PKD1: variants seen among roughly 807,000 people sequenced by gnomAD.
The protein encoded by PKD1 is polycystin 1, transient receptor potential channel interacting.
PKD1 carries 81 observed loss-of-function variants against 361.7 expected under a neutral mutation model. That is an observed-to-expected ratio of 0.22 (90% CI 0.19 to 0.27). PKD1 has a LOEUF of 0.27. PKD1 is among the 10% of genes least tolerant of loss of function. PKD1 has a pLI of 1.00. For missense variants in PKD1, 6,399 were observed against 6,118.3 expected (o/e 1.05, Z -1.53); for synonymous variants, 3,615 against 2,818.3 (o/e 1.28, Z -8.95).
At chr16:2,126,884 G>T (rs558430743) in intron 1 of PKD1, among the ~76,000 whole-genome samples, 8 of 152,300 alleles carry the variant, frequency 5.3e-5, no homozygotes, top group Admixed American at 2.0e-4. Flanking sequence ...TACCCTAGGG[G>T]ACCCAGGGAG....
At chr16:2,091,960 A>AG in intron 40 of PKD1, 54 bp from the exon 41 acceptor site, 1 of 1,611,840 alleles carries the variant, frequency 6.2e-7, no homozygotes. Flanking sequence ...GGCACCCCGG[A>AG]GCCAGGCTGG....
intron 26 of PKD1, among the ~76,000 whole-genome samples, chr16:2,101,400 C>G (rs1390486106): frequency 2.6e-5 from 4 of 152,170 alleles, no homozygotes; most frequent in African/African-American, 9.6e-5. Flanking sequence ...GTCATCCCAG[C>G]ACTCTGGCAG....
chr16:2,094,577 C>T (rs1351075857), intron 34 of PKD1: 2 of 369,592 alleles, frequency 5.4e-6, no homozygotes, highest in Non-Finnish European at 1.0e-5. Flanking sequence ...ACAAGCATCT[C>T]TACAATCTAG....
intron 1 of PKD1, among the ~76,000 whole-genome samples, chr16:2,121,475 C>A (rs2092719978): frequency 6.6e-6 from 1 of 152,122 alleles, no homozygotes; most frequent in South Asian, 2.1e-4. Flanking sequence ...AGAAGAAGCA[C>A]AATTGGTCAC....
At position 2,103,681 on chromosome 16, in the gene PKD1, G is replaced by C. The variant is rs758402723; in HGVS notation, c.8376C>G (p.Ser2792Arg). ...CTGGGGCGCCGCCATAGCACAGCAG[G>C]CTCCGCGGGTCCGAGCGCTTGCCCT... is the stretch of plus-strand genomic sequence containing the variant. ...VAQGKRSDPR[S>R]LLCYGGAPGP... The change falls in exon 23 of 46, where the codon AGC becomes AGG. Residue 2792 changes from serine (S) to arginine (R), a missense_variant. By Grantham distance (110) the Ser-to-Arg change is moderately radical (BLOSUM62 -1). Coordinates refer to ENST00000262304, the MANE Select transcript of PKD1 (RefSeq NM_001009944.3). 9 of 1,610,160 alleles carry C rather than the reference G, an allele frequency of 5.6e-6. No homozygotes were observed. Among genetic ancestry groups the C allele is most frequent in the African/African-American group, 1.3e-5 (1 of 74,970 alleles).
At position 2,111,890 on chromosome 16, in the gene PKD1, G is replaced by A; in HGVS notation, c.3296-19C>T. The A allele has an allele frequency of 6.2e-7, 1 of 1,609,572 alleles. No homozygotes were observed. The highest frequency in any genetic ancestry group is 8.5e-7 in the Non-Finnish European group (1 of 1,179,212). On this transcript the variant is annotated intron_variant, in intron 14 of 45. Coordinates refer to ENST00000262304, the MANE Select transcript of PKD1 (RefSeq NM_001009944.3). ...TACTCACCTGTGGGGACAGGCCCGAGTGGGGCAGCCGCGGCACCCCCACCT... is the reference window on the plus strand; with the variant it reads ...TACTCACCTGTGGGGACAGGCCCGAATGGGGCAGCCGCGGCACCCCCACCT...
rs1422698524 is a variant in PKD1, at chr16:2,100,280, C to T, written c.9598G>A (p.Val3200Ile). ...GCCGTCTGCAGGTCCCTGACGATGACGTGCTGCAGGAACCAGGCAGGGCTG... is the reference window on the plus strand; with the variant it reads ...GCCGTCTGCAGGTCCCTGACGATGATGTGCTGCAGGAACCAGGCAGGGCTG... ...GLSPAWFLQH[V>I]IVRDLQTARS... The change falls in exon 28 of 46, where the codon GTC becomes ATC. Residue 3200 changes from valine (V) to isoleucine (I), a missense_variant. Transcript: ENST00000262304. This position sits in a 1 kb window ranked among gnomAD's most constrained non-coding sequence, Gnocchi z 4.4. 26 of 1,610,644 alleles carry T rather than the reference C, an allele frequency of 1.6e-5. No homozygotes were observed. The highest frequency in any genetic ancestry group is 2.2e-4 in the Middle Eastern group (1 of 4,448).
At position 2,110,195 on chromosome 16, in the gene PKD1, C is replaced by T. The variant is rs1444309744; in HGVS notation, c.4972G>A (p.Asp1658Asn). Residue 1658 changes from aspartate to asparagine, a missense_variant, in exon 15 of 46, where the codon GAT (aspartate) becomes AAT (asparagine). By Grantham distance (23) the Asp-to-Asn change is conservative. Transcript: ENST00000262304. ...HTVQLQAVVRDGTNVSYSWTA... is the reference protein window; with the variant it reads ...HTVQLQAVVRNGTNVSYSWTA... ...CAGCTGTAGGAGACGTTGGTGCCAT[C>T]CCTAACCACGGCCTGCAGCTGTACC... 1 of 1,611,508 alleles carries T rather than the reference C, an allele frequency of 6.2e-7. No homozygotes were observed. Among genetic ancestry groups the T allele is most frequent in the East Asian group, 2.2e-5 (1 of 44,874 alleles).
chr16:2,122,266 G>A (rs1214724006), intron 1 of PKD1, among the ~76,000 whole-genome samples: 2 of 152,244 alleles, frequency 1.3e-5, no homozygotes, highest in African/African-American at 4.8e-5. Context: ...TTCCATCTGC[G>A]GATGGAGGGC....
Position 2,106,961 on chromosome 16 carries a change from T to C in PKD1, c.7066-13A>G, listed in dbSNP as rs759290448. The C allele has an allele frequency of 1.3e-6, 2 of 1,582,128 alleles. No individual in the cohort carries two copies. The highest frequency in any genetic ancestry group is 1.7e-6 in the Non-Finnish European group (2 of 1,169,350). On this transcript the variant is annotated splice_polypyrimidine_tract_variant and intron_variant, in intron 16 of 45. Coordinates refer to ENST00000262304, the MANE Select transcript of PKD1 (RefSeq NM_001009944.3). The surrounding 1 kb of genome is among the most constrained non-coding windows in gnomAD (Gnocchi z 6.5). ...TCCGGATCAGCACCTGGCGTGGGAG[T>C]GGGGTTACCTCCAACACAGGTCTAT...
In PKD1 at chr16:2,089,739, G is replaced by A. The variant is rs753230928; in HGVS notation, c.12900C>T (p.Pro4300=). The A allele has an allele frequency of 4.5e-5, 71 of 1,585,472 alleles. No homozygotes were observed. In the Middle Eastern group the frequency reaches 8.2e-4, roughly 18 times the overall value. Residue 4300 remains proline, a synonymous_variant, in exon 46 of 46, where the codon CCC becomes CCT. Transcript: ENST00000262304. ...CCAGGAAGGAGGACTAAGTGCTGCT[G>A]GGGTGGACCTTGTTCTTGGCCCGAA... ...TPLRAKNKVH[P]SST
rs1394523967 is a variant in PKD1 at position 2,107,001 on chromosome 16, G to A, written c.7066-53C>T. 6 of 1,541,700 alleles carry A rather than the reference G, an allele frequency of 3.9e-6. No homozygotes were observed. In the African/African-American group the frequency reaches 5.6e-5, roughly 14 times the overall value. On this transcript the variant is annotated intron_variant, in intron 16 of 45. Coordinates refer to ENST00000262304, the MANE Select transcript of PKD1 (RefSeq NM_001009944.3). Reference sequence around the variant, plus strand: ...CACAGGTCTATTTGGCCTGCTGGAAGGACTGGGGGACCCATGGAGGATGCT... The same window carrying A: ...CACAGGTCTATTTGGCCTGCTGGAAAGACTGGGGGACCCATGGAGGATGCT...
intron 21 of PKD1, 44 bp downstream of exon 21, chr16:2,105,278 C>T (rs1369377294): frequency 2.5e-6 from 4 of 1,587,332 alleles, no homozygotes; most frequent in Non-Finnish European, 2.6e-6. Context: ...ACCCAGTGCC[C>T]TGGCAGGCAT....
At chr16:2,096,447 C>T (rs576801496) in intron 34 of PKD1, among the ~76,000 whole-genome samples, 30 of 152,382 alleles carry the variant, frequency 2.0e-4, no homozygotes, top group Middle Eastern at 3.4e-3. Flanking sequence ...TGACTATGTG[C>T]GTGACTACAT....
At position 2,114,340 on chromosome 16, in the gene PKD1, A is replaced by G; in HGVS notation, c.2683T>C (p.Ser895Pro). The change falls in exon 11 of 46, where the codon TCA (serine) becomes CCA (proline). Residue 895 changes from serine to proline, a missense_variant. Transcript: ENST00000262304. ...CPWETNDTLF[S>P]VVALPWLSEG... Reference sequence around the variant, plus strand: ...CTGAGCCACGGCAGTGCTACCACTGAGAACAGGGTATCGTTGGTCTCCCAG... The same window carrying G: ...CTGAGCCACGGCAGTGCTACCACTGGGAACAGGGTATCGTTGGTCTCCCAG... 1 of 1,610,460 alleles carries G rather than the reference A, an allele frequency of 6.2e-7. No individual in the cohort carries two copies. The highest frequency in any genetic ancestry group is 8.5e-7 in the Non-Finnish European group (1 of 1,179,642).
chr16:2,094,264 G>A, intron 34 of PKD1, 54 bp from the exon 35 acceptor site: 3 of 1,145,360 alleles, frequency 2.6e-6, no homozygotes, highest in East Asian at 2.3e-5. Flanking sequence ...GGCAGTTGCA[G>A]CCAAGCCCAT....
At position 2,135,721 on chromosome 16, in the gene PKD1, C is replaced by T. The variant is rs2092942513; in HGVS notation, c.-32G>A. ...GGCAGCGCGCGCATGGCCCCGCCGTCCCCAGGCCCGCCCGCGCGCGGAGGC... is the reference window on the plus strand; with the variant it reads ...GGCAGCGCGCGCATGGCCCCGCCGTTCCCAGGCCCGCCCGCGCGCGGAGGC... On this transcript the variant is annotated 5_prime_UTR_variant, in exon 1 of 46. Transcript: ENST00000262304. 1 of 950,040 alleles carries T rather than the reference C, an allele frequency of 1.1e-6. No homozygotes were observed. Among genetic ancestry groups the T allele is most frequent in the Non-Finnish European group, 1.2e-6 (1 of 800,802 alleles). 58.9% of individuals were successfully genotyped at this position (950,040 alleles called of 1,614,324 possible). A position where few individuals can be genotyped will look rare whatever the true frequency, so the allele number is the denominator to read the frequency against.
At chr16:2,114,980 C>T (rs956628585) in intron 10 of PKD1, 55 bp from the exon 11 acceptor site, 109 of 1,520,242 alleles carry the variant, frequency 7.2e-5, no homozygotes, top group Non-Finnish European at 9.1e-5. Flanking sequence ...GCCCGTGGAC[C>T]CCCGCACGAC....
At position 2,104,510 on chromosome 16, in the gene PKD1, G is replaced by C. The variant is rs1425390330; in HGVS notation, c.8149C>G (p.Leu2717Val). 4.5e-6 allele frequency: 7 copies of C among 1,542,188 alleles called. No individual in the cohort carries two copies. Among genetic ancestry groups the C allele is most frequent in the Middle Eastern group, 4.6e-4 (2 of 4,372 alleles). ...VTPTAIGDSI[L>V]NITGDLIHLA... The stretch of plus-strand genomic sequence containing the variant: ...CGGGCCGCGGCACCTGTGATGTTGA[G>C]GATGCTGTCTCCGATGGCGGTGGGC... Residue 2717 changes from leucine (L) to valine (V), a missense_variant, in exon 22 of 46, where the codon CTC becomes GTC. Coordinates refer to ENST00000262304, the MANE Select transcript of PKD1 (RefSeq NM_001009944.3).
Sources: gnomAD v4.1 joint callset for allele counts (sites outside exome capture counted in the v4.1 genomes callset) on GRCh38, gnomAD v4.1.1 for gene constraint, Gnocchi (gnomAD v3.1) non-coding constraint, MANE v1.5 for transcripts, NCBI Gene and HGNC (gene_info 2026-07-23, HGNC 2026-07-21) for gene names.